The following MIER1 variants were observed in gnomAD, a reference collection of about 807,000 sequenced individuals.
MIER1 encodes the protein mesoderm induction early response protein 1.
Under a neutral mutation model 75.7 loss-of-function variants are expected in MIER1, and 40 were observed. That is an observed-to-expected ratio of 0.53 (90% CI 0.41 to 0.69). The LOEUF is 0.69. Ranked by LOEUF, MIER1 falls within the 30% of genes least tolerant of loss-of-function variation. The probability of loss-of-function intolerance (pLI) is 0.00; values close to 1 mark genes in which losing one functional copy is unlikely to be tolerated. For missense variants in MIER1, 574 were observed against 680.2 expected (o/e 0.84, Z 1.74); for synonymous variants, 213 against 223.4 (o/e 0.95, Z 0.42).
chr1:66,954,728 CAG>C lies in MIER1; in HGVS notation c.340-3328_340-3327del, dbSNP rs1388236959. Among the ~76,000 whole-genome samples the C allele has an allele frequency of 2.0e-5, 3 of 149,604 alleles. No homozygotes were observed. The East Asian group carries it at 5.9e-4, about 29-fold the overall frequency. ...TTTTCCTTTTTTTTTTTTCTTGAGACAGAGTCTCAACTCTGTCACCCAGGCTG... is the reference window on the plus strand; with the variant it reads ...TTTTCCTTTTTTTTTTTTCTTGAGACAGTCTCAACTCTGTCACCCAGGCTG... On this transcript the variant is annotated intron_variant, in intron 4 of 13. Coordinates refer to ENST00000401041, the MANE Select transcript of MIER1 (RefSeq NM_001077700.3).
At chr1:66,930,878 CTG>C (rs2101048060) in intron 2 of MIER1, among the ~76,000 whole-genome samples, 1 of 152,252 alleles carries the variant, frequency 6.6e-6, no homozygotes, top group East Asian at 1.9e-4. Flanking sequence ...TTGATTAACT[CTG>C]TAATTTTCAT....
chr1:66,958,969 A>G lies in MIER1; in HGVS notation c.620A>G (p.Lys207Arg), dbSNP rs1660706735. 1 of 1,612,840 alleles carries G rather than the reference A, an allele frequency of 6.2e-7. No homozygotes were observed. Among genetic ancestry groups the G allele is most frequent in the East Asian group, 2.2e-5 (1 of 44,818 alleles). The part of the protein sequence containing the change: ...AQEIIRPRRC[K>R]YFDTNSEVEE... Reference sequence around the variant, plus strand: ...GAAATAATCCGCCCACGTCGATGTAAATATTTTGATACAAGTAAGTGTTAC... The same window carrying G: ...GAAATAATCCGCCCACGTCGATGTAGATATTTTGATACAAGTAAGTGTTAC... Residue 207 changes from lysine (K) to arginine (R), a missense_variant, in exon 6 of 14, where the codon AAA becomes AGA. Transcript: ENST00000401041.
At chr1:66,979,953 AGGGTTTCTCCAT>A (rs1321951258) in intron 12 of MIER1, among the ~76,000 whole-genome samples, 1 of 151,492 alleles carries the variant, frequency 6.6e-6, no homozygotes, top group African/African-American at 2.4e-5. Context: ...TAGTAGAGAC[AGGGTTTCTCCAT>A]GTTGGTCAGG....
At chr1:66,981,750 A>G in intron 12 of MIER1, 29 bp from the exon 13 acceptor site, 1 of 1,534,464 alleles carries the variant, frequency 6.5e-7, no homozygotes, top group Non-Finnish European at 8.8e-7. Flanking sequence ...AGCTCTTTTT[A>G]ATATAAAAAT....
At chr1:66,972,331 CTA>C (rs1408461671) in intron 10 of MIER1, among the ~76,000 whole-genome samples, 6 of 148,776 alleles carry the variant, frequency 4.0e-5, no homozygotes, top group African/African-American at 1.5e-4. Flanking sequence ...GAGGATGTAA[CTA>C]TAAACAAAGT....
At chr1:66,957,350 G>T (rs1444480793) in intron 4 of MIER1, among the ~76,000 whole-genome samples, 2 of 152,168 alleles carry the variant, frequency 1.3e-5, no homozygotes, top group Non-Finnish European at 1.5e-5. Context: ...GGCTTTTGGA[G>T]TTAGACTGTT....
intron 1 of MIER1, 105 bp from the exon 2 acceptor site, chr1:66,926,037 C>T: frequency 2.4e-6 from 2 of 818,144 alleles, no homozygotes; most frequent in Non-Finnish European, 4.1e-6. Context: ...GGATCCTTGT[C>T]CTGATTCCCG....
intron 7 of MIER1, 175 bp downstream of exon 7, chr1:66,959,918 G>C (rs1210331178): frequency 1.2e-5 from 4 of 331,682 alleles, no homozygotes. Context: ...ATCTAGGTTA[G>C]ATTAGAAATC....
intron 4 of MIER1, 25 bp downstream of exon 4, chr1:66,946,320 A>T (rs1323389643): frequency 6.4e-7 from 1 of 1,553,590 alleles, no homozygotes; most frequent in Non-Finnish European, 8.7e-7. Context: ...GAGCTAGGGT[A>T]TGAATTGGTT....
rs1383933707 is a variant in MIER1, at chr1:66,984,746, C to G, written c.1544C>G (p.Ala515Gly). 1 of 1,613,834 alleles carries G rather than the reference C, an allele frequency of 6.2e-7. No homozygotes were observed. The change falls in exon 14 of 14, where the codon GCA becomes GGA. Residue 515 changes from alanine (A) to glycine (G), a missense_variant. By Grantham distance (60) the Ala-to-Gly change is moderately conservative. Around this residue, in one of 3 missense-constraint regions of MIER1, gnomAD observed 164 missense variants for 154.3 expected, o/e 1.06. Transcript: ENST00000401041. ...TTDPKLAHMTARNENDFDEKS... is the reference protein window; with the variant it reads ...TTDPKLAHMTGRNENDFDEKS... ...GACCCAAAACTTGCCCATATGACTG[C>G]AAGAAATGAAAATGATTTTGATGAA... is the stretch of plus-strand genomic sequence containing the variant.
intron 1 of MIER1, chr1:66,925,322 C>G (rs991586939): frequency 4.1e-6 from 4 of 985,350 alleles, no homozygotes; most frequent in African/African-American, 1.7e-5. Context: ...CATCGACTGC[C>G]TCCCAGCGCC....
At chr1:66,927,435 ATAAC>A (rs919089739) in intron 2 of MIER1, among the ~76,000 whole-genome samples, 4 of 152,154 alleles carry the variant, frequency 2.6e-5, no homozygotes, top group African/African-American at 4.8e-5. Flanking sequence ...ACATTAATAA[ATAAC>A]AAAGTGTAAT....
intron 12 of MIER1, among the ~76,000 whole-genome samples, chr1:66,978,204 A>T (rs1464592245): frequency 6.9e-6 from 1 of 145,778 alleles, no homozygotes; most frequent in African/African-American, 2.5e-5. Flanking sequence ...TCCAAAAAAA[A>T]AAAAAAAAGA....
At chr1:66,959,142 G>T (rs748019451) in intron 6 of MIER1, among the ~76,000 whole-genome samples, 159 bp downstream of exon 6, 1 of 152,040 alleles carries the variant, frequency 6.6e-6, no homozygotes, top group Non-Finnish European at 1.5e-5. Context: ...GCAATGCAGG[G>T]TCCCTGTTGT....
intron 7 of MIER1, among the ~76,000 whole-genome samples, chr1:66,962,861 G>C (rs1661538331): frequency 6.6e-6 from 1 of 151,984 alleles, no homozygotes; most frequent in Admixed American, 6.6e-5. Flanking sequence ...AATAAAGTTT[G>C]TATTTATTGT....
chr1:66,952,705 G>A (rs913947125), intron 4 of MIER1, among the ~76,000 whole-genome samples: 1 of 152,150 alleles, frequency 6.6e-6, no homozygotes, highest in Non-Finnish European at 1.5e-5. Context: ...GCAGCAGTGC[G>A]ATCTTGGCTC....
intron 2 of MIER1, among the ~76,000 whole-genome samples, chr1:66,937,323 T>C (rs1328411792): frequency 6.6e-6 from 1 of 152,160 alleles, no homozygotes; most frequent in African/African-American, 2.4e-5. Context: ...TGGTGGCTCA[T>C]GCCTGTAATC....
chr1:66,986,529 T>C lies in MIER1; in HGVS notation c.*1629T>C. 7.6e-7 allele frequency: 1 copy of C among 1,317,286 alleles called. No homozygotes were observed. The highest frequency in any genetic ancestry group is 1.1e-6 in the Non-Finnish European group (1 of 915,144). The allele number at this position is 1,317,286 out of a possible 1,614,324, so 81.6% of individuals were successfully genotyped here. A position where few individuals can be genotyped will look rare whatever the true frequency, so the allele number is the denominator to read the frequency against. ...ACTGTCTGATGTAATTGAGTGAAGG[T>C]TTGCACTGAGAAATTAGCATTCAGG... On this transcript the variant is annotated 3_prime_UTR_variant, in exon 14 of 14. Coordinates refer to ENST00000401041, the MANE Select transcript of MIER1 (RefSeq NM_001077700.3).
At chr1:66,947,105 C>T (rs573074340) in intron 4 of MIER1, 4 of 553,244 alleles carry the variant, frequency 7.2e-6, no homozygotes, top group South Asian at 7.9e-5. Context: ...TGGACCTCTC[C>T]CCCGGCATAC....
Sources: allele counts gnomAD v4.1 joint callset (sites outside exome capture counted in the v4.1 genomes callset), GRCh38; gene constraint gnomAD v4.1.1; regional missense constraint gnomAD v4.1.1; transcripts MANE v1.5; gene names NCBI Gene and HGNC (gene_info 2026-07-23, HGNC 2026-07-21).